Variants in TMPRSS4 observed in about 807,000 individuals in gnomAD.
TMPRSS4 encodes transmembrane protease serine 4.
TMPRSS4 carries 45 observed loss-of-function variants against 56.4 expected under a neutral mutation model. The ratio of observed to expected loss-of-function variants is 0.80; its 90% confidence interval spans 0.63 to 1.02. The LOEUF is 1.02. Among genes scored for constraint, TMPRSS4 ranks in the 50% least tolerant of loss-of-function variants. The pLI is 0.00. For synonymous variants in TMPRSS4, 205 were observed against 211.0 expected, an observed-to-expected ratio of 0.97 and a Z score of 0.25; for missense variants, 546 against 556.7, an observed-to-expected ratio of 0.98 and a Z score of 0.19.
rs1273043779 is a variant in TMPRSS4, at chr11:118,121,366, CTTCTTA to C, written c.*3456_*3461del. ...TCTTCTTCTTCTTCTTCTTCTTCTT[CTTCTTA>C]TTTTGAGACTGAGTCTTGCCCTGTC... On this transcript the variant is annotated 3_prime_UTR_variant, in exon 13 of 13. Coordinates refer to ENST00000437212, the MANE Select transcript of TMPRSS4 (RefSeq NM_019894.4). The C allele has an allele frequency of 5.0e-5, 6 of 120,480 alleles. No homozygotes were observed. Among genetic ancestry groups the C allele is most frequent in the Admixed American group, 8.6e-5 (1 of 11,678 alleles). The allele number at this position is 120,480 out of a possible 1,614,324, so 7.5% of individuals were successfully genotyped here.
chr11:118,101,992 AT>A (rs963605115), intron 3 of TMPRSS4, among the ~76,000 whole-genome samples: 69 of 151,900 alleles, frequency 4.5e-4, no homozygotes, highest in African/African-American at 1.6e-3. Flanking sequence ...TATTTTAATT[AT>A]TTTTTTCTTC....
intron 3 of TMPRSS4, among the ~76,000 whole-genome samples, chr11:118,099,482 A>AGAAAGAAAGG (rs879365216): frequency 2.5e-3 from 4 of 1,622 alleles, no homozygotes; most frequent in Non-Finnish European, 6.4e-3. Context: ...AAAGAAAGAA[A>AGAAAGAAAGG]AAGAAAGAAA....
intron 2 of TMPRSS4, among the ~76,000 whole-genome samples, chr11:118,096,937 AGAAAGAAAGAAAGGAAGGAAAGAAAG>A (rs1946380377): frequency 1.2e-5 from 1 of 86,034 alleles, no homozygotes; most frequent in East Asian, 2.8e-4. Context: ...AGAAAGAAAG[AGAAAGAAAGAAAGGAAGGAAAGAAAG>A]AAAGGAAAGA....
In TMPRSS4 at chr11:118,077,972, C is replaced by A. The variant is rs1944796986; in HGVS notation, c.3+667C>A. On this transcript the variant is annotated intron_variant, in intron 1 of 12. Coordinates refer to ENST00000437212, the MANE Select transcript of TMPRSS4 (RefSeq NM_019894.4). The stretch of plus-strand genomic sequence containing the variant: ...AGGTTGTGGTGAGCCAAGATTGTGC[C>A]ATTGCACTCCAACCTGGGCAACAAG... Among the ~76,000 whole-genome samples, 4 of 119,758 alleles carry A rather than the reference C, an allele frequency of 3.3e-5. No individual in the cohort carries two copies. In the South Asian group the frequency reaches 1.1e-3, roughly 33 times the overall value. 78.6% of individuals were successfully genotyped at this position (119,758 alleles called of 152,430 possible). A position where few individuals can be genotyped will look rare whatever the true frequency, so the allele number is the denominator to read the frequency against.
At chr11:118,115,396 T>C in intron 11 of TMPRSS4, 116 bp downstream of exon 11, 1 of 1,262,886 alleles carries the variant, frequency 7.9e-7, no homozygotes, top group Non-Finnish European at 1.1e-6. Context: ...GGGCACTCAA[T>C]GTGTGATGAT....
At chr11:118,096,466 G>A (rs1011879951) in intron 2 of TMPRSS4, among the ~76,000 whole-genome samples, 1 of 152,180 alleles carries the variant, frequency 6.6e-6, no homozygotes, top group African/African-American at 2.4e-5. Flanking sequence ...ATCATTCAAG[G>A]CAGAATAAAA....
At chr11:118,089,035 A>C (rs2135295147) in intron 1 of TMPRSS4, among the ~76,000 whole-genome samples, 1 of 152,106 alleles carries the variant, frequency 6.6e-6, no homozygotes, top group African/African-American at 2.4e-5. Context: ...TCCTTTCCTT[A>C]GCTCAGGATT....
intron 4 of TMPRSS4, among the ~76,000 whole-genome samples, chr11:118,104,337 G>A (rs144482899): frequency 6.6e-6 from 1 of 152,158 alleles, no homozygotes; most frequent in East Asian, 1.9e-4. Flanking sequence ...ATGGGTATGT[G>A]GTCCATACAA....
intron 1 of TMPRSS4, among the ~76,000 whole-genome samples, chr11:118,083,216 G>A (rs1439551904): frequency 6.6e-6 from 1 of 152,226 alleles, no homozygotes; most frequent in Admixed American, 6.5e-5. Context: ...TCCTTTGCCA[G>A]GAGAAAAGAC....
chr11:118,117,844 C>T, intron 12 of TMPRSS4, 58 bp from the exon 13 acceptor site: 1 of 1,613,996 alleles, frequency 6.2e-7, no homozygotes, highest in Admixed American at 1.7e-5. Flanking sequence ...ACACATGTCA[C>T]CACTTTGTCC....
At chr11:118,123,509 T>C (rs1947834411), downstream of TMPRSS4, among the ~76,000 whole-genome samples, 1 of 151,706 alleles carries the variant, frequency 6.6e-6, no homozygotes, top group African/African-American at 2.4e-5. Flanking sequence ...ATCAATGTCA[T>C]GTAATTACTG....
Position 118,111,748 on chromosome 11 carries a change from G to C in TMPRSS4, c.591G>C (p.Gly197=), listed in dbSNP as rs1235406010. Residue 197 remains glycine, a synonymous_variant, in exon 8 of 13, where the codon GGG becomes GGC. Transcript: ENST00000437212. ...SLVSLHCLAC[G]KSLKTPRVVG... ...GCCTCTGCCTGTGTCCAGCCTGTGGGAAGAGCCTGAAGACCCCCCGTGTGG... is the reference window on the plus strand; with the variant it reads ...GCCTCTGCCTGTGTCCAGCCTGTGGCAAGAGCCTGAAGACCCCCCGTGTGG... 3 of 1,575,442 alleles carry C rather than the reference G, an allele frequency of 1.9e-6. No individual in the cohort carries two copies. The highest frequency in any genetic ancestry group is 2.6e-6 in the Non-Finnish European group (3 of 1,164,064).
chr11:118,080,396 T>C (rs1945030017), intron 1 of TMPRSS4, among the ~76,000 whole-genome samples: 1 of 152,130 alleles, frequency 6.6e-6, no homozygotes, highest in African/African-American at 2.4e-5. Context: ...ACTCCGGCAC[T>C]CCAGGTCATG....
rs1946904866 is a variant in TMPRSS4, at chr11:118,104,748, G to T, written c.368G>T (p.Trp123Leu). Reference protein sequence around the residue: ...LQVLDSATGNWFSACFDNFTE... With the variant: ...LQVLDSATGNLFSACFDNFTE... ...GTGCTGGACTCGGCCACAGGGAACT[G>T]GTTCTCTGCCTGTTTCGACAACTTC... The change falls in exon 5 of 13, where the codon TGG becomes TTG. Residue 123 changes from tryptophan to leucine, a missense_variant. Trp to Leu is a moderately conservative substitution (Grantham distance 61). Transcript: ENST00000437212. 1 of 1,614,192 alleles carries T rather than the reference G, an allele frequency of 6.2e-7. No homozygotes were observed.
At chr11:118,100,022 T>C (rs1355647113) in intron 3 of TMPRSS4, among the ~76,000 whole-genome samples, 1 of 152,104 alleles carries the variant, frequency 6.6e-6, no homozygotes. Flanking sequence ...ACCACAACTT[T>C]TCACAGCAAG....
intron 2 of TMPRSS4, among the ~76,000 whole-genome samples, chr11:118,098,438 T>C (rs1751294847): frequency 6.6e-6 from 1 of 152,236 alleles, no homozygotes; most frequent in African/African-American, 2.4e-5. Flanking sequence ...TTCCCCCAGA[T>C]GGTAATCTCT....
Position 118,077,260 on chromosome 11 carries a change from C to G in TMPRSS4, c.-43C>G, listed in dbSNP as rs1251845657. The G allele has an allele frequency of 6.3e-7, 1 of 1,591,976 alleles. No homozygotes were observed. The highest frequency in any genetic ancestry group is 1.3e-5 in the African/African-American group (1 of 74,420). On this transcript the variant is annotated 5_prime_UTR_variant, in exon 1 of 13. Coordinates refer to ENST00000437212, the MANE Select transcript of TMPRSS4 (RefSeq NM_019894.4). ...TCCTGCTGCCTTGGGGTGACAATCT[C>G]AGCTCCAGGCTACAGGGAGACCGGG...
At chr11:118,079,524 C>T (rs1409862599) in intron 1 of TMPRSS4, among the ~76,000 whole-genome samples, 1 of 152,196 alleles carries the variant, frequency 6.6e-6, no homozygotes, top group African/African-American at 2.4e-5. Context: ...ATAGCTGAGG[C>T]CTGGAGGGAA....
At chr11:118,106,082 C>T (rs1177239209) in intron 5 of TMPRSS4, 1 of 152,314 alleles carries the variant, frequency 6.6e-6, no homozygotes, top group Non-Finnish European at 1.5e-5. Flanking sequence ...CCACGGAGCC[C>T]AGCCTCGCTG....
Sources: gnomAD v4.1 joint callset for allele counts (sites outside exome capture counted in the v4.1 genomes callset) on GRCh38, gnomAD v4.1.1 for gene constraint, MANE v1.5 for transcripts, NCBI Gene and HGNC (gene_info 2026-07-23, HGNC 2026-07-21) for gene names.